USP54: variants seen among roughly 807,000 people sequenced by gnomAD.
USP54 encodes the protein ubiquitin carboxyl-terminal hydrolase 54.
USP54 carries 87 observed loss-of-function variants against 170.5 expected under a neutral mutation model. The ratio of observed to expected loss-of-function variants is 0.51; its 90% CI spans 0.43 to 0.61. The LOEUF (loss-of-function observed/expected upper bound fraction) is 0.61. Ranked by LOEUF, USP54 falls within the 20% of genes least tolerant of loss-of-function variation. USP54 has a pLI of 0.00. For missense variants in USP54, 1,786 were observed against 2,047.8 expected, an observed-to-expected ratio of 0.87 and a Z score of 2.47; for synonymous variants, 655 against 742.8, an observed-to-expected ratio of 0.88 and a Z score of 1.92.
At chr10:73,584,409 A>T (rs1320377134) in intron 1 of USP54, among the ~76,000 whole-genome samples, 3 of 152,012 alleles carry the variant, frequency 2.0e-5, no homozygotes, top group Non-Finnish European at 4.4e-5. Context: ...AGAGACGTTG[A>T]CGTAGTTTGT....
Position 73,616,335 on chromosome 10 carries a change from C to CAAA in USP54, c.-18+9229_-18+9231dup, listed in dbSNP as rs60197778. On this transcript the variant is annotated intron_variant, in intron 1 of 22. Transcript: ENST00000339859. ...CCTAGGCGACAGCAAGACTCCATCT[C>CAAA]AAAAAAAAAAAAAAAAAAAAAAAAA... 2.4e-3 allele frequency among the ~76,000 whole-genome samples: 62 copies of CAAA among 25,762 alleles called. 8 individuals are homozygous for CAAA. Among genetic ancestry groups the CAAA allele is most frequent in the African/African-American group, 9.8e-3 (55 of 5,628 alleles). 16.9% of individuals were successfully genotyped at this position (25,762 alleles called of 152,430 possible).
At chr10:73,584,668 A>G (rs1489041070) in intron 1 of USP54, among the ~76,000 whole-genome samples, 1 of 152,186 alleles carries the variant, frequency 6.6e-6, no homozygotes, top group Non-Finnish European at 1.5e-5. Flanking sequence ...TAAATTAACT[A>G]TAATTTATAA....
chr10:73,509,592 G>A (rs1040513830), intron 20 of USP54, among the ~76,000 whole-genome samples: 3 of 151,648 alleles, frequency 2.0e-5, no homozygotes, highest in African/African-American at 7.3e-5. Context: ...TCCAGCCTGG[G>A]TGACAGAGCG....
chr10:73,561,470 A>T (rs1298004478), intron 4 of USP54, among the ~76,000 whole-genome samples: 2 of 152,096 alleles, frequency 1.3e-5, no homozygotes, highest in Non-Finnish European at 2.9e-5. Flanking sequence ...ATTTTTTTTA[A>T]TTAAAAAATT....
At chr10:73,589,532 C>T (rs1273300233) in intron 1 of USP54, among the ~76,000 whole-genome samples, 2 of 152,020 alleles carry the variant, frequency 1.3e-5, no homozygotes, top group Admixed American at 1.3e-4. Flanking sequence ...ATTTTTATCC[C>T]GAATTTTATG....
chr10:73,516,338 C>T lies in USP54; in HGVS notation c.4051+37G>A, dbSNP rs531992723. On this transcript the variant is annotated intron_variant, in intron 20 of 23. Transcript: ENST00000687698. Reference sequence around the variant, plus strand: ...TCCCTGCTTTCAGCTTTTATATGATCCTCCCCCCTCCCCCCAACCCCTGGT... The same window carrying T: ...TCCCTGCTTTCAGCTTTTATATGATTCTCCCCCCTCCCCCCAACCCCTGGT... 13 of 1,563,956 alleles carry T rather than the reference C, an allele frequency of 8.3e-6. No homozygotes were observed. In the South Asian group the frequency reaches 1.6e-4, roughly 19 times the overall value.
intron 20 of USP54, among the ~76,000 whole-genome samples, chr10:73,511,797 C>G (rs1333284480): frequency 4.7e-5 from 7 of 150,140 alleles, no homozygotes. Flanking sequence ...GGCTGGAGTG[C>G]AGTGGCGTGA....
chr10:73,507,942 G>A (rs1480480487), intron 20 of USP54, among the ~76,000 whole-genome samples: 1 of 151,926 alleles, frequency 6.6e-6, no homozygotes, highest in Non-Finnish European at 1.5e-5. Flanking sequence ...AGTGAGCCGT[G>A]ATTGTGCCAC....
intron 1 of USP54, among the ~76,000 whole-genome samples, chr10:73,582,389 CT>C (rs747954659): frequency 3.6e-3 from 515 of 143,682 alleles, no homozygotes; most frequent in Middle Eastern, 0.011. Context: ...AGGAGAAGGA[CT>C]TTTTTTTTTT....
At chr10:73,503,139 C>T (rs1383591965) in intron 22 of USP54, among the ~76,000 whole-genome samples, 1 of 152,186 alleles carries the variant, frequency 6.6e-6, no homozygotes. Flanking sequence ...ATCATCTCCC[C>T]TTGCCAGACT....
At chr10:73,509,170 T>C (rs1450110213) in intron 20 of USP54, among the ~76,000 whole-genome samples, 3 of 151,032 alleles carry the variant, frequency 2.0e-5, no homozygotes, top group African/African-American at 2.4e-5. Flanking sequence ...TGTGTCTTGT[T>C]TGAATCCTGA....
intron 1 of USP54, among the ~76,000 whole-genome samples, chr10:73,590,384 A>G (rs191160013): frequency 2.0e-5 from 3 of 152,302 alleles, no homozygotes; most frequent in Non-Finnish European, 4.4e-5. Flanking sequence ...GTTTCCTCTC[A>G]CATCATCTAC....
chr10:73,606,779 T>TGA (rs1425441277), intron 1 of USP54, among the ~76,000 whole-genome samples: 34 of 148,962 alleles, frequency 2.3e-4, no homozygotes, highest in Admixed American at 1.6e-3. Context: ...CTTGGGAGGC[T>TGA]GAGGCAGGAG....
chr10:73,526,595 G>A, intron 16 of USP54, 52 bp downstream of exon 16: 2 of 1,606,416 alleles, frequency 1.2e-6, no homozygotes, highest in Middle Eastern at 1.7e-4. Flanking sequence ...CTGGTCCCCA[G>A]ACAAAACTGC....
intron 22 of USP54, among the ~76,000 whole-genome samples, chr10:73,501,340 G>C (rs2058071614): frequency 6.6e-6 from 1 of 152,118 alleles, no homozygotes; most frequent in Non-Finnish European, 1.5e-5. Flanking sequence ...TGTCAAGTTT[G>C]TATTTACTGA....
At chr10:73,566,565 T>C (rs2073871637) in intron 4 of USP54, among the ~76,000 whole-genome samples, 1 of 151,702 alleles carries the variant, frequency 6.6e-6, no homozygotes, top group Non-Finnish European at 1.5e-5. Flanking sequence ...ACCCCATCTC[T>C]ACTAAAAATA....
At position 73,523,605 on chromosome 10, in the gene USP54, G is replaced by C. The variant is rs761440120; in HGVS notation, c.2340C>G (p.Asp780Glu). ...GFNPHPSRFM[D>E]LDELQNQGRS... ...TACCCTGATTCTGCAGTTCATCCAA[G>C]TCCATGAAGCGGCTAGGATGAGGGT... Residue 780 changes from aspartate to glutamate, a missense_variant, in exon 17 of 24, where the codon GAC becomes GAG. Transcript: ENST00000687698. 6.2e-7 allele frequency: 1 copy of C among 1,608,072 alleles called. No homozygotes were observed. Among genetic ancestry groups the C allele is most frequent in the Non-Finnish European group, 8.5e-7 (1 of 1,175,788 alleles).
Position 73,571,477 on chromosome 10 carries a change from T to A in USP54, c.184A>T (p.Arg62Trp). ...WHLDIFRRSF[R>W]QLTTHKCMGD... is the part of the protein sequence containing the mutation. ...ATGCACTTGTGAGTTGTAAGCTGCC[T>A]AAAGCTACGTCGGAAGATATCCAAG... Residue 62 changes from arginine to tryptophan, a missense_variant, in exon 4 of 24, where the codon AGG becomes TGG. Physicochemically the swap from Arg to Trp is moderately radical, Grantham distance 101. Around this residue, in one of 3 missense-constraint regions of USP54, gnomAD observed 361 missense variants for 455.0 expected, o/e 0.79. Transcript: ENST00000687698. 1 of 1,614,008 alleles carries A rather than the reference T, an allele frequency of 6.2e-7. No homozygotes were observed. The highest frequency in any genetic ancestry group is 8.5e-7 in the Non-Finnish European group (1 of 1,179,950).
chr10:73,557,900 T>C (rs1225250411), intron 4 of USP54, among the ~76,000 whole-genome samples: 2 of 147,166 alleles, frequency 1.4e-5, no homozygotes, highest in Non-Finnish European at 3.0e-5. Flanking sequence ...TTTTTTTTTT[T>C]GAGATGGAGT....
Sources: gnomAD v4.1 joint callset for allele counts (sites outside exome capture counted in the v4.1 genomes callset) on GRCh38, gnomAD v4.1.1 for gene constraint, gnomAD v4.1.1 regional missense constraint, MANE v1.5 for transcripts, NCBI Gene and HGNC (gene_info 2026-07-23, HGNC 2026-07-21) for gene names.